Variants in RSL1D1 observed in about 807,000 individuals in gnomAD.
RSL1D1 encodes the protein ribosomal L1 domain containing 1, also known as ribosomal L1 domain-containing protein 1.
RSL1D1 carries 34 observed loss-of-function variants against 44.6 expected under a neutral mutation model. The ratio of observed to expected loss-of-function variants is 0.76; its 90% CI spans 0.58 to 1.02. RSL1D1 has a LOEUF of 1.02. Ranked by LOEUF, RSL1D1 falls within the 50% of genes least tolerant of loss-of-function variation. The probability of loss-of-function intolerance (pLI) is 0.00; values close to 1 mark genes in which losing one functional copy is unlikely to be tolerated. For synonymous variants in RSL1D1, 271 were observed against 207.4 expected (o/e 1.31, Z -2.63); for missense variants, 767 against 568.1 (o/e 1.35, Z -3.56).
rs554172580 is a variant in RSL1D1, at chr16:11,850,786, T to G, written c.106-368A>C. Among the ~76,000 whole-genome samples the G allele has an allele frequency of 1.2e-4, 18 of 152,326 alleles. No individual in the cohort carries two copies. The East Asian group carries it at 3.5e-3, about 29-fold the overall frequency. On this transcript the variant is annotated intron_variant, in intron 1 of 8. Coordinates refer to ENST00000571133, the MANE Select transcript of RSL1D1 (RefSeq NM_015659.3). ...AATGCATTTAGCATTTACTGAGAAC[T>G]CCTGGCAATTCTCCTGCCTCAGCTT...
chr16:11,850,342 T>C lies in RSL1D1; in HGVS notation c.182A>G (p.Asn61Ser), dbSNP rs376365551. ...KNNYGLLLNE[N>S]ESLFLMVVLW... ...TACCACCATTAAAAATAAACTTTCA[T>C]TCTCATTCAAAAGCAACCCATAATT... Residue 61 changes from asparagine to serine, a missense_variant, in exon 2 of 9, where the codon AAT becomes AGT. Asn to Ser is a conservative substitution (Grantham distance 46). Coordinates refer to ENST00000571133, the MANE Select transcript of RSL1D1 (RefSeq NM_015659.3). The C allele has an allele frequency of 3.2e-5, 51 of 1,601,036 alleles. 1 individual carries two copies. Among genetic ancestry groups the C allele is most frequent in the East Asian group, 2.7e-4 (12 of 44,502 alleles).
rs945388217 is a variant in RSL1D1, at chr16:11,838,219, G to C, written c.1147-106C>G. The C allele has an allele frequency of 4.9e-6, 5 of 1,017,256 alleles. No homozygotes were observed. In the East Asian group the frequency reaches 1.3e-4, roughly 26 times the overall value. The allele number at this position is 1,017,256 out of a possible 1,614,324, so 63.0% of individuals were successfully genotyped here. ...TGTATTTATTTATTTTTCAGACTGAGTTTCGCTCTTGCTGCCCATGCTAGA... is the reference window on the plus strand; with the variant it reads ...TGTATTTATTTATTTTTCAGACTGACTTTCGCTCTTGCTGCCCATGCTAGA... On this transcript the variant is annotated intron_variant, in intron 8 of 8. Transcript: ENST00000571133.
rs1229791213 is a variant in RSL1D1 at position 11,843,743 on chromosome 16, C to T, written c.636-1743G>A. On this transcript the variant is annotated intron_variant, in intron 5 of 8. Coordinates refer to ENST00000571133, the MANE Select transcript of RSL1D1 (RefSeq NM_015659.3). ...AAAATTAGCTGGGCATTGTGGTGGG[C>T]GCCTATAGTCCCAGCTACTTGGGAG... 4.0e-5 allele frequency among the ~76,000 whole-genome samples: 6 copies of T among 151,504 alleles called. No homozygotes were observed. The South Asian group carries it at 1.0e-3, about 26-fold the overall frequency.
At chr16:11,844,631 C>A (rs1329112720) in intron 5 of RSL1D1, among the ~76,000 whole-genome samples, 2 of 152,200 alleles carry the variant, frequency 1.3e-5, no homozygotes, top group Non-Finnish European at 2.9e-5. Context: ...CCTGGAGACA[C>A]TCCCCTGGGG....
rs752185346 is a variant in RSL1D1 at position 11,846,818 on chromosome 16, T to G, written c.410A>C (p.Lys137Thr). Reference protein sequence around the residue: ...SQIISLQTLKKEYKSYEAKLR... With the variant: ...SQIISLQTLKTEYKSYEAKLR... ...CTTGGCTTCATAGGATTTATATTCC[T>G]TCTTTAGAGTTTGGAGGGAGATAAT... is the stretch of plus-strand genomic sequence containing the variant. Residue 137 changes from lysine to threonine, a missense_variant, in exon 4 of 9, where the codon AAG becomes ACG. Lys to Thr is a moderately conservative substitution (Grantham distance 78). Coordinates refer to ENST00000571133, the MANE Select transcript of RSL1D1 (RefSeq NM_015659.3). 6.2e-7 allele frequency: 1 copy of G among 1,611,442 alleles called. No homozygotes were observed. Among genetic ancestry groups the G allele is most frequent in the Non-Finnish European group, 8.5e-7 (1 of 1,177,796 alleles).
chr16:11,846,450 C>A, intron 5 of RSL1D1, 51 bp downstream of exon 5: 2 of 952,004 alleles, frequency 2.1e-6, no homozygotes, highest in South Asian at 1.5e-5. Flanking sequence ...TATATAAAAT[C>A]ATTGTCAAAT....
intron 5 of RSL1D1, among the ~76,000 whole-genome samples, chr16:11,842,706 C>T (rs2053771042): frequency 6.6e-6 from 1 of 151,686 alleles, no homozygotes. Flanking sequence ...TATCATCTTT[C>T]ATGTACTAGA....
chr16:11,846,686 G>A lies in RSL1D1; in HGVS notation c.533+9C>T. On this transcript the variant is annotated intron_variant, in intron 4 of 8. Transcript: ENST00000571133. The stretch of plus-strand genomic sequence containing the variant: ...GCTGCTAAAGTCCAGTCATTACTAA[G>A]AAACTTACTTCTTTCTTTGATAGAA... 6.2e-7 allele frequency: 1 copy of A among 1,613,736 alleles called. No homozygotes were observed. The highest frequency in any genetic ancestry group is 8.5e-7 in the Non-Finnish European group (1 of 1,179,882).
intron 5 of RSL1D1, among the ~76,000 whole-genome samples, chr16:11,842,770 T>C (rs2053771390): frequency 6.7e-6 from 1 of 150,064 alleles, no homozygotes; most frequent in Admixed American, 6.6e-5. Context: ...ACTTTTTTTT[T>C]TTTTGAGATG....
chr16:11,842,747 T>G (rs1183426819), intron 5 of RSL1D1, among the ~76,000 whole-genome samples: 1 of 150,084 alleles, frequency 6.7e-6, no homozygotes, highest in Non-Finnish European at 1.5e-5. Context: ...AAATGTCACA[T>G]CATGAAGGGG....
Position 11,837,673 on chromosome 16 carries a change from C to CAAA in RSL1D1, c.*113_*114insTTT. 1 of 1,023,150 alleles carries CAAA rather than the reference C, an allele frequency of 9.8e-7. No individual in the cohort carries two copies. Among genetic ancestry groups the CAAA allele is most frequent in the South Asian group, 1.6e-5 (1 of 62,628 alleles). The allele number at this position is 1,023,150 out of a possible 1,614,324, so 63.4% of individuals were successfully genotyped here. ...ACTACTTATGGAGGTTTTAAAAAATCTTTTAAGTCCAGGCCTGACGTTTAG... is the reference window on the plus strand; with the variant it reads ...ACTACTTATGGAGGTTTTAAAAAATCAAATTTTAAGTCCAGGCCTGACGTTTAG... On this transcript the variant is annotated 3_prime_UTR_variant, in exon 9 of 9. Transcript: ENST00000571133.
rs1319926284 is a variant in RSL1D1 at position 11,837,866 on chromosome 16, G to A, written c.1394C>T (p.Thr465Ile). 1 of 1,614,072 alleles carries A rather than the reference G, an allele frequency of 6.2e-7. No homozygotes were observed. The highest frequency in any genetic ancestry group is 8.5e-7 in the Non-Finnish European group (1 of 1,180,012). Residue 465 changes from threonine (T) to isoleucine (I), a missense_variant, in exon 9 of 9, where the codon ACT becomes ATT. Thr to Ile is a moderately conservative substitution (Grantham distance 89, BLOSUM62 -1). Coordinates refer to ENST00000571133, the MANE Select transcript of RSL1D1 (RefSeq NM_015659.3). ...AGCTTTTCTCACAGATTTACTAGGA[G>A]TGGTGAAAAACTTGGCCTCTGGCTT... Reference protein sequence around the residue: ...PKKPEAKFFTTPSKSVRKASH... With the variant: ...PKKPEAKFFTIPSKSVRKASH...
chr16:11,838,533 T>TATG (rs889481155), intron 8 of RSL1D1, among the ~76,000 whole-genome samples: 41 of 152,092 alleles, frequency 2.7e-4, no homozygotes, highest in African/African-American at 9.6e-4. Flanking sequence ...TACACCTCAG[T>TATG]ATGATGACAG....
rs1183508724 is a variant in RSL1D1 at position 11,839,832 on chromosome 16, T to C, written c.1009A>G (p.Lys337Glu). ...TTCCCATGCTCTGGGGTCTGTTCCT[T>C]CTTTGATTCAGGTTTCTTCACTGTA... ...DTTVKKPESK[K>E]EQTPEHGKKK... is the part of the protein sequence containing the mutation. Residue 337 changes from lysine to glutamate, a missense_variant, in exon 8 of 9, where the codon AAG (lysine) becomes GAG (glutamate). Physicochemically the swap from Lys to Glu is moderately conservative, Grantham distance 56. Transcript: ENST00000571133. The C allele has an allele frequency of 1.2e-6, 2 of 1,614,196 alleles. No individual in the cohort carries two copies. The highest frequency in any genetic ancestry group is 1.7e-6 in the Non-Finnish European group (2 of 1,180,044).
rs896085204 is a variant in RSL1D1, at chr16:11,839,998, A to C, written c.856-13T>G. ...TTCTCCTTGCCTCCTACCAAAAAAC[A>C]CCATACAAACATTTTAGCAGGAACA... On this transcript the variant is annotated splice_polypyrimidine_tract_variant and intron_variant, in intron 7 of 8. Transcript: ENST00000571133. The C allele has an allele frequency of 1.2e-6, 2 of 1,608,746 alleles. No individual in the cohort carries two copies. The highest frequency in any genetic ancestry group is 1.7e-6 in the Non-Finnish European group (2 of 1,178,150).
intron 7 of RSL1D1, among the ~76,000 whole-genome samples, chr16:11,840,421 C>G (rs191834552): frequency 2.1e-4 from 32 of 152,164 alleles, no homozygotes; most frequent in Admixed American, 1.4e-3. Flanking sequence ...CAAAAATTAG[C>G]TGGGCATGGT....
intron 7 of RSL1D1, among the ~76,000 whole-genome samples, chr16:11,840,617 G>A (rs1596439070): frequency 6.6e-6 from 1 of 152,164 alleles, no homozygotes; most frequent in Non-Finnish European, 1.5e-5. Flanking sequence ...GCTAAAGAGA[G>A]AAACACTAGG....
intron 8 of RSL1D1, among the ~76,000 whole-genome samples, chr16:11,838,773 C>T (rs1245888201): frequency 6.7e-6 from 1 of 148,496 alleles, no homozygotes; most frequent in Non-Finnish European, 1.5e-5. Context: ...ACGAGAATTG[C>T]TTGGGCACGA....
chr16:11,841,185 G>A (rs1038484248), intron 7 of RSL1D1, among the ~76,000 whole-genome samples: 3 of 152,118 alleles, frequency 2.0e-5, no homozygotes, highest in South Asian at 2.1e-4. Flanking sequence ...CAAGGCAGGC[G>A]GATCGCTTGA....
Sources: allele counts gnomAD v4.1 joint callset (sites outside exome capture counted in the v4.1 genomes callset), GRCh38; gene constraint gnomAD v4.1.1; transcripts MANE v1.5; gene names NCBI Gene and HGNC (gene_info 2026-07-23, HGNC 2026-07-21).